Variants in SEL1L3 observed in about 807,000 individuals in gnomAD.
The protein encoded by SEL1L3 is protein sel-1 homolog 3.
Under a neutral mutation model 142.8 loss-of-function variants are expected in SEL1L3, and 76 were observed. That is an observed-to-expected ratio of 0.53 (90% CI 0.44 to 0.64). The LOEUF (loss-of-function observed/expected upper bound fraction) is 0.64. SEL1L3 is among the 30% of genes least tolerant of loss of function. The pLI is 0.00. For synonymous variants in SEL1L3, 504 were observed against 519.6 expected (o/e 0.97, Z 0.41); for missense variants, 1,262 against 1,381.7 (o/e 0.91, Z 1.37).
chr4:25,838,151 T>A (rs1715952140), intron 2 of SEL1L3, among the ~76,000 whole-genome samples: 1 of 152,234 alleles, frequency 6.6e-6, no homozygotes, highest in Non-Finnish European at 1.5e-5. Flanking sequence ...CACAATTCTG[T>A]AATGTGCACC....
At chr4:25,842,971 G>A (rs1716266242) in intron 2 of SEL1L3, among the ~76,000 whole-genome samples, 1 of 152,214 alleles carries the variant, frequency 6.6e-6, no homozygotes, top group South Asian at 2.1e-4. Flanking sequence ...GAGCAGAGGG[G>A]TAGGTGAGGT....
intron 3 of SEL1L3, among the ~76,000 whole-genome samples, 180 bp from the exon 4 acceptor site, chr4:25,833,749 G>C (rs1037442463): frequency 6.6e-6 from 1 of 152,218 alleles, no homozygotes; most frequent in Non-Finnish European, 1.5e-5. Flanking sequence ...GGTAGTTAAA[G>C]TAACTGCAAA....
chr4:25,775,668 CAG>C (rs1159465809), intron 17 of SEL1L3, among the ~76,000 whole-genome samples: 1 of 152,134 alleles, frequency 6.6e-6, no homozygotes, highest in Non-Finnish European at 1.5e-5. Flanking sequence ...TAACAGCAAA[CAG>C]GGAACATTTG....
At chr4:25,765,250 T>G in intron 20 of SEL1L3, 76 bp downstream of exon 20, 2 of 1,002,998 alleles carry the variant, frequency 2.0e-6, no homozygotes, top group Non-Finnish European at 3.2e-6. Context: ...CCCGTCGGCC[T>G]CCCAAAGGGC....
At position 25,757,486 on chromosome 4, in the gene SEL1L3, G is replaced by GC. The variant is rs767235375; in HGVS notation, c.3259+47dup. ...AAAAAAAAAAAAAAAAAAAATCCCTGCTTTTTTTTTTTTTAATATATTGCT... is the reference window on the plus strand; with the variant it reads ...AAAAAAAAAAAAAAAAAAAATCCCTGCCTTTTTTTTTTTTTAATATATTGCT... On this transcript the variant is annotated intron_variant, in intron 23 of 23. Coordinates refer to ENST00000399878, the MANE Select transcript of SEL1L3 (RefSeq NM_015187.5). 3.8e-3 allele frequency: 3,692 copies of GC among 973,708 alleles called. 5 individuals are homozygous for GC. Among genetic ancestry groups the GC allele is most frequent in the Middle Eastern group, 7.8e-3 (25 of 3,194 alleles). The allele number at this position is 973,708 out of a possible 1,614,324, so 60.3% of individuals were successfully genotyped here. A position where few individuals can be genotyped will look rare whatever the true frequency, so the allele number is the denominator to read the frequency against.
At chr4:25,733,603 C>A in the SEL1L3 span, among the ~76,000 whole-genome samples, 2 of 150,810 alleles carry the variant, frequency 1.3e-5, no homozygotes, top group African/African-American at 4.9e-5. Flanking sequence ...TCACTGCAAC[C>A]TCTGCCTCCC....
chr4:25,825,666 ATT>A (rs33997941), intron 6 of SEL1L3, among the ~76,000 whole-genome samples: 44 of 74,052 alleles, frequency 5.9e-4, no homozygotes, highest in African/African-American at 2.1e-3. Flanking sequence ...TCTAAATTCT[ATT>A]TTTTTTTTTT....
In SEL1L3 at chr4:25,759,032, T is replaced by C; in HGVS notation, c.2992A>G (p.Thr998Ala). 6.2e-7 allele frequency: 1 copy of C among 1,613,792 alleles called. No homozygotes were observed. Among genetic ancestry groups the C allele is most frequent in the African/African-American group, 1.3e-5 (1 of 75,034 alleles). Residue 998 changes from threonine (T) to alanine (A), a missense_variant, in exon 21 of 24, where the codon ACG becomes GCG. By Grantham distance (58) the Thr-to-Ala change is moderately conservative. This residue lies in a region of SEL1L3 where 435 missense variants were observed against 559.2 expected (regional missense o/e 0.78). Coordinates refer to ENST00000399878, the MANE Select transcript of SEL1L3 (RefSeq NM_015187.5). ...FNLALLIEEG[T>A]IIPHHILDFL... Reference sequence around the variant, plus strand: ...TCCAAGATATGGTGTGGGATTATCGTACCTTCCTCGATTAGCAGGGCCAGG... The same window carrying C: ...TCCAAGATATGGTGTGGGATTATCGCACCTTCCTCGATTAGCAGGGCCAGG...
At position 25,793,563 on chromosome 4, in the gene SEL1L3, A is replaced by G. The variant is rs564540668; in HGVS notation, c.1957-2989T>C. On this transcript the variant is annotated intron_variant, in intron 11 of 23. Coordinates refer to ENST00000399878, the MANE Select transcript of SEL1L3 (RefSeq NM_015187.5). ...TCTGTGTCCTAACCTGGCCTGCCCC[A>G]CTGCCCTGCTGGAATCACTGAGCTT... Among the ~76,000 whole-genome samples the G allele has an allele frequency of 7.9e-5, 12 of 151,772 alleles. No homozygotes were observed. In the East Asian group the frequency reaches 2.1e-3, roughly 27 times the overall value.
At chr4:25,837,164 C>T (rs193020852) in intron 2 of SEL1L3, among the ~76,000 whole-genome samples, 1 of 150,420 alleles carries the variant, frequency 6.6e-6, no homozygotes, top group African/African-American at 2.5e-5. Context: ...AATGGAAGTA[C>T]TGCAAAGGTT....
At chr4:25,727,458 C>A in the SEL1L3 span, among the ~76,000 whole-genome samples, 2 of 152,188 alleles carry the variant, frequency 1.3e-5, no homozygotes, top group African/African-American at 4.8e-5. Flanking sequence ...TGTAGCCCAT[C>A]GCACTCTTGA....
chr4:25,779,315 T>G, intron 15 of SEL1L3, 112 bp from the exon 16 acceptor site: 1 of 1,230,382 alleles, frequency 8.1e-7, no homozygotes, highest in Non-Finnish European at 1.1e-6. Context: ...TAACTTCTGA[T>G]AGCTTTAAAA....
chr4:25,808,257 C>A (rs1440784476), intron 9 of SEL1L3, among the ~76,000 whole-genome samples: 2 of 152,160 alleles, frequency 1.3e-5, no homozygotes, highest in African/African-American at 2.4e-5. Context: ...GAAGAAGCAG[C>A]CATTTTCCCA....
chr4:25,806,124 C>T lies in SEL1L3; in HGVS notation c.1565-1372G>A, dbSNP rs550521157. ...CGCGATCTCGGTTCACTGCAAGCTC[C>T]GCCTCCTGGGTTCACGCCATTCCCC... On this transcript the variant is annotated intron_variant, in intron 9 of 23. Coordinates refer to ENST00000399878, the MANE Select transcript of SEL1L3 (RefSeq NM_015187.5). 9.3e-4 allele frequency among the ~76,000 whole-genome samples: 140 copies of T among 150,822 alleles called. 2 individuals are homozygous for T. The highest frequency in any genetic ancestry group is 5.5e-3 in the Admixed American group (84 of 15,150).
At chr4:25,789,584 CAAAA>C (rs55852462) in intron 12 of SEL1L3, among the ~76,000 whole-genome samples, 4,944 of 124,738 alleles carry the variant, frequency 0.04, 242 homozygotes, top group African/African-American at 0.12. Flanking sequence ...GACCCTGAAT[CAAAA>C]AAAAAAAAAA....
intron 17 of SEL1L3, among the ~76,000 whole-genome samples, chr4:25,772,169 G>A (rs1477115644): frequency 6.6e-6 from 1 of 152,178 alleles, no homozygotes; most frequent in Admixed American, 6.5e-5. Flanking sequence ...TAACCCCTGG[G>A]GAGGGCTTGA....
At chr4:25,838,366 G>A (rs1715964927) in intron 2 of SEL1L3, among the ~76,000 whole-genome samples, 1 of 152,180 alleles carries the variant, frequency 6.6e-6, no homozygotes, top group Admixed American at 6.5e-5. Context: ...AAATTTTAGA[G>A]CAAGAAGAGG....
chr4:25,765,813 A>AT (rs1718687267), intron 19 of SEL1L3, among the ~76,000 whole-genome samples: 1 of 151,382 alleles, frequency 6.6e-6, no homozygotes, highest in Admixed American at 6.6e-5. Context: ...TAATTTTTGT[A>AT]TTTTTTATAG....
the SEL1L3 span, among the ~76,000 whole-genome samples, chr4:25,728,860 CAA>C: frequency 0.2 from 18,869 of 94,914 alleles, 1,918 homozygotes; most frequent in African/African-American, 0.36. Flanking sequence ...AGACTTGTGT[CAA>C]AAAAAAAAAA....
Sources: gnomAD v4.1 joint callset for allele counts (sites outside exome capture counted in the v4.1 genomes callset) on GRCh38, gnomAD v4.1.1 for gene constraint, gnomAD v4.1.1 regional missense constraint, MANE v1.5 for transcripts, NCBI Gene and HGNC (gene_info 2026-07-23, HGNC 2026-07-21) for gene names.